PRKAR1B: variants seen among roughly 807,000 people sequenced by gnomAD.
PRKAR1B encodes the protein cAMP-dependent protein kinase type I-beta regulatory subunit.
In PRKAR1B, 22 loss-of-function variants were observed where a neutral mutation model predicts 46.5. The ratio of observed to expected loss-of-function variants is 0.47; its 90% confidence interval spans 0.34 to 0.68. PRKAR1B has a LOEUF of 0.68. PRKAR1B is among the 30% of genes least tolerant of loss of function. The pLI is 0.01. For synonymous variants in PRKAR1B, 259 were observed against 217.7 expected (o/e 1.19, Z -1.67); for missense variants, 445 against 535.6 (o/e 0.83, Z 1.67).
At chr7:695,064 G>A (rs935577404) in intron 2 of PRKAR1B, among the ~76,000 whole-genome samples, 14 of 150,716 alleles carry the variant, frequency 9.3e-5, no homozygotes, top group Admixed American at 2.6e-4. Flanking sequence ...GCGAACAAAC[G>A]AGAAATGAAT....
intron 2 of PRKAR1B, among the ~76,000 whole-genome samples, chr7:686,536 C>G (rs73256240): frequency 3.2e-4 from 49 of 152,194 alleles, no homozygotes; most frequent in African/African-American, 1.1e-3. Context: ...CCCAAGCCAG[C>G]ATTCATCTCT....
chr7:583,582 GCA>G (rs1258378279), intron 8 of PRKAR1B, among the ~76,000 whole-genome samples: 6 of 59,490 alleles, frequency 1.0e-4, no homozygotes, highest in East Asian at 3.4e-4. Flanking sequence ...ACACACACTT[GCA>G]CACTCCCAGG....
At chr7:604,553 C>T (rs1033897703) in intron 6 of PRKAR1B, among the ~76,000 whole-genome samples, 6 of 152,218 alleles carry the variant, frequency 3.9e-5, no homozygotes, top group African/African-American at 7.2e-5. Context: ...TCCGCCTGCG[C>T]GGGCCAGGCC....
chr7:677,429 C>A, intron 3 of PRKAR1B, 109 bp from the exon 4 acceptor site: 1 of 891,658 alleles, frequency 1.1e-6, no homozygotes. Context: ...GGCAATGGTA[C>A]AAATATGCAA....
intron 4 of PRKAR1B, among the ~76,000 whole-genome samples, chr7:609,499 G>A (rs960299079): frequency 6.6e-6 from 1 of 152,102 alleles, no homozygotes; most frequent in African/African-American, 2.4e-5. Flanking sequence ...AGGTGTGGAG[G>A]GCAAGTGCTG....
intron 2 of PRKAR1B, among the ~76,000 whole-genome samples, chr7:696,313 C>G (rs892064725): frequency 9.3e-5 from 14 of 150,800 alleles, no homozygotes; most frequent in Admixed American, 4.6e-4. Context: ...CTCTTGTTGC[C>G]CAGGCTGGAG....
At chr7:624,454 T>C (rs1413456878) in intron 4 of PRKAR1B, among the ~76,000 whole-genome samples, 1 of 152,078 alleles carries the variant, frequency 6.6e-6, no homozygotes, top group Admixed American at 6.5e-5. Flanking sequence ...AAAAAGTGCA[T>C]GCTCTTTGAA....
intron 4 of PRKAR1B, among the ~76,000 whole-genome samples, chr7:623,445 C>G (rs1226742314): frequency 6.6e-6 from 1 of 152,244 alleles, no homozygotes; most frequent in Non-Finnish European, 1.5e-5. Context: ...TCAGTTCAGC[C>G]AGAACCGATC....
chr7:559,090 C>A (rs1411658242), intron 9 of PRKAR1B, among the ~76,000 whole-genome samples: 1 of 152,246 alleles, frequency 6.6e-6, no homozygotes, highest in Non-Finnish European at 1.5e-5. Context: ...CCTTCAGTCA[C>A]TCGTCTACTG....
intron 1 of PRKAR1B, among the ~76,000 whole-genome samples, chr7:725,196 A>G (rs546112468): frequency 1.3e-5 from 2 of 151,468 alleles, no homozygotes; most frequent in African/African-American, 4.9e-5. Context: ...GCTGGGCGAC[A>G]GAGCAAGATT....
In PRKAR1B at chr7:560,473, A is replaced by G. The variant is rs147337457; in HGVS notation, c.892-9003T>C. Among the ~76,000 whole-genome samples, 1,591 of 152,284 alleles carry G rather than the reference A, an allele frequency of 0.01. 13 individuals carry two copies. The highest frequency in any genetic ancestry group is 0.052 in the South Asian group (251 of 4,820). On this transcript the variant is annotated intron_variant, in intron 9 of 10. Coordinates refer to ENST00000537384, the MANE Select transcript of PRKAR1B (RefSeq NM_001164760.2). The surrounding 1 kb of genome is among the most constrained non-coding windows in gnomAD (Gnocchi z 4.2). ...CCATAAATTAAAAAGTAACTAAAAG[A>G]TTAAGCACAGCTGGAAAGGTGTTCA...
intron 2 of PRKAR1B, among the ~76,000 whole-genome samples, chr7:693,212 G>A (rs1026637806): frequency 6.6e-6 from 1 of 151,562 alleles, no homozygotes; most frequent in African/African-American, 2.4e-5. Context: ...TGGGATTACA[G>A]GTGAGAGCCA....
chr7:620,864 T>C (rs1783075014), intron 4 of PRKAR1B, among the ~76,000 whole-genome samples: 1 of 152,242 alleles, frequency 6.6e-6, no homozygotes, highest in Non-Finnish European at 1.5e-5. Flanking sequence ...GGTCCCTCCC[T>C]TAAAGAGCAT....
chr7:687,930 T>C (rs1262701010), intron 2 of PRKAR1B, among the ~76,000 whole-genome samples: 7 of 149,692 alleles, frequency 4.7e-5, no homozygotes, highest in Non-Finnish European at 1.0e-4. Context: ...ACCTCATCTC[T>C]ACCAAAAATA....
intron 4 of PRKAR1B, among the ~76,000 whole-genome samples, chr7:629,731 G>A (rs1554295515): frequency 2.5e-5 from 1 of 39,440 alleles, no homozygotes; most frequent in Non-Finnish European, 4.6e-5. Context: ...CACGGCCTCC[G>A]AGGGCGCCAC....
At chr7:611,185 C>T (rs1403110664) in intron 4 of PRKAR1B, among the ~76,000 whole-genome samples, 3 of 152,362 alleles carry the variant, frequency 2.0e-5, no homozygotes, top group Non-Finnish European at 4.4e-5. Context: ...CTATCATGAA[C>T]GCTCCTCCAC....
intron 4 of PRKAR1B, among the ~76,000 whole-genome samples, chr7:673,076 A>AAAAAAC (rs1409072522): frequency 1.0e-4 from 15 of 145,092 alleles, no homozygotes; most frequent in Non-Finnish European, 2.1e-4. Flanking sequence ...AAAAAAAAAA[A>AAAAAAC]AACACACACA....
At chr7:709,702 C>G (rs983928991) in intron 2 of PRKAR1B, among the ~76,000 whole-genome samples, 4 of 152,144 alleles carry the variant, frequency 2.6e-5, no homozygotes, top group African/African-American at 9.7e-5. Flanking sequence ...GGGTTTCGCT[C>G]TGTTGCCCAG....
chr7:576,061 A>AAAT (rs1779804591), intron 9 of PRKAR1B, among the ~76,000 whole-genome samples: 2 of 131,580 alleles, frequency 1.5e-5, no homozygotes, highest in Admixed American at 7.5e-5. Context: ...AAATGTGCAC[A>AAAT]CAGGCATCCT....
Sources: gnomAD v4.1 joint callset for allele counts (sites outside exome capture counted in the v4.1 genomes callset) on GRCh38, gnomAD v4.1.1 for gene constraint, Gnocchi (gnomAD v3.1) non-coding constraint, MANE v1.5 for transcripts, NCBI Gene and HGNC (gene_info 2026-07-23, HGNC 2026-07-21) for gene names.